AGAP1: variants seen among roughly 807,000 people sequenced by gnomAD.
AGAP1 encodes the protein ArfGAP with GTPase domain, ankyrin repeat and PH domain 1.
A neutral mutation model predicts 105.3 loss-of-function variants in AGAP1; 29 were observed. The ratio of observed to expected loss-of-function variants is 0.28; its 90% CI spans 0.21 to 0.38. AGAP1 has a LOEUF of 0.38. AGAP1 is among the 10% of genes least tolerant of loss of function. The pLI is 1.00. For synonymous variants in AGAP1, 509 were observed against 485.9 expected (o/e 1.05, Z -0.63); for missense variants, 998 against 1,165.1 (o/e 0.86, Z 2.09).
At chr2:235,683,861 C>T (rs565599447) in intron 1 of AGAP1, among the ~76,000 whole-genome samples, 1 of 151,476 alleles carries the variant, frequency 6.6e-6, no homozygotes, top group Non-Finnish European at 1.5e-5. Flanking sequence ...CCCCGTCCCC[C>T]GCCCGGCCCC....
chr2:235,917,044 A>G (rs1242293740), intron 11 of AGAP1, among the ~76,000 whole-genome samples: 2 of 152,294 alleles, frequency 1.3e-5, no homozygotes, highest in African/African-American at 4.8e-5. Context: ...AGGATGACAG[A>G]TACCTTCTTG....
chr2:235,597,525 A>G (rs1945565189), intron 1 of AGAP1, among the ~76,000 whole-genome samples: 1 of 152,204 alleles, frequency 6.6e-6, no homozygotes, highest in African/African-American at 2.4e-5. Context: ...CCAGCTGTAA[A>G]TAACTGTCCA....
intron 4 of AGAP1, among the ~76,000 whole-genome samples, chr2:235,743,314 G>A (rs752140408): frequency 2.6e-5 from 4 of 152,170 alleles, no homozygotes; most frequent in Non-Finnish European, 5.9e-5. Flanking sequence ...CGTTTCCTCC[G>A]GGTGGATGCT....
chr2:235,856,940 G>C (rs2048710248), intron 9 of AGAP1, among the ~76,000 whole-genome samples: 2 of 152,238 alleles, frequency 1.3e-5, no homozygotes, highest in Non-Finnish European at 2.9e-5. Context: ...TGAGACCAGT[G>C]CCTGAAAGAA....
intron 9 of AGAP1, among the ~76,000 whole-genome samples, chr2:235,809,573 G>T (rs573575377): frequency 2.0e-5 from 3 of 152,276 alleles, no homozygotes; most frequent in African/African-American, 7.2e-5. Flanking sequence ...GTTCCACAGA[G>T]AATTTTTAAA....
At chr2:235,694,213 C>G (rs1949884400) in intron 1 of AGAP1, among the ~76,000 whole-genome samples, 1 of 149,716 alleles carries the variant, frequency 6.7e-6, no homozygotes, top group East Asian at 1.9e-4. Context: ...GGCATGGTGG[C>G]TCACACTTGT....
chr2:235,759,054 A>G (rs1954177409), intron 6 of AGAP1, among the ~76,000 whole-genome samples: 1 of 152,132 alleles, frequency 6.6e-6, no homozygotes, highest in Admixed American at 6.6e-5. Flanking sequence ...TCAGCCTCCC[A>G]AAGTGCTGGG....
chr2:235,685,850 T>C (rs1195660555), intron 1 of AGAP1, among the ~76,000 whole-genome samples: 1 of 152,136 alleles, frequency 6.6e-6, no homozygotes, highest in East Asian at 1.9e-4. Context: ...CGAGGTGGCC[T>C]GAGCACAGCT....
At position 235,633,419 on chromosome 2, in the gene AGAP1, C is replaced by T. The variant is rs536091257; in HGVS notation, c.164-75760C>T. Among the ~76,000 whole-genome samples, 22 of 152,186 alleles carry T rather than the reference C, an allele frequency of 1.4e-4. No homozygotes were observed. In the South Asian group the frequency reaches 4.4e-3, roughly 30 times the overall value. ...GACCAGTCTGGTCAACATGGTGAAACCCCATCTCTACTAAAAATACAAAAA... is the reference window on the plus strand; with the variant it reads ...GACCAGTCTGGTCAACATGGTGAAATCCCATCTCTACTAAAAATACAAAAA... On this transcript the variant is annotated intron_variant, in intron 1 of 17. Transcript: ENST00000304032. This position sits in a 1 kb window ranked among gnomAD's most constrained non-coding sequence, Gnocchi z 4.8.
chr2:235,992,118 G>C lies in AGAP1; in HGVS notation c.1645+23495G>C, dbSNP rs534318645. 2.6e-5 allele frequency among the ~76,000 whole-genome samples: 4 copies of C among 152,232 alleles called. No individual in the cohort carries two copies. Among genetic ancestry groups the C allele is most frequent in the Admixed American group, 6.5e-5 (1 of 15,284 alleles). On this transcript the variant is annotated intron_variant, in intron 13 of 17. Coordinates refer to ENST00000304032, the MANE Select transcript of AGAP1 (RefSeq NM_001037131.3). This position sits in a 1 kb window ranked among gnomAD's most constrained non-coding sequence, Gnocchi z 4.8. ...GTGATGGTGGCCATCACGAGACCCA[G>C]ATAACAGGAGTGGTTAGAAGCGCAG...
rs955809118 is a variant in AGAP1, at chr2:235,957,818, C to T, written c.1484-10644C>T. Among the ~76,000 whole-genome samples, 1 of 152,208 alleles carries T rather than the reference C, an allele frequency of 6.6e-6. No homozygotes were observed. Among genetic ancestry groups the T allele is most frequent in the Non-Finnish European group, 1.5e-5 (1 of 68,038 alleles). ...CGTTTTAATTTACGAGTTCCTACAA[C>T]GACTTCATCTTGAGTTCACAGGGGG... On this transcript the variant is annotated intron_variant, in intron 12 of 17. Transcript: ENST00000304032. The surrounding 1 kb of genome is among the most constrained non-coding windows in gnomAD (Gnocchi z 4.6).
rs60117586 is a variant in AGAP1 at position 235,964,821 on chromosome 2, G to A, written c.1484-3641G>A. ...GAAAGTCTGGGAGGAGAAGGACCTC[G>A]TGGAGCTGGCCGCACAGTCTAGGCT... On this transcript the variant is annotated intron_variant, in intron 12 of 17. Transcript: ENST00000304032. The surrounding 1 kb of genome is among the most constrained non-coding windows in gnomAD (Gnocchi z 4.6). Among the ~76,000 whole-genome samples the A allele has an allele frequency of 0.13, 19,661 of 152,148 alleles. 3,333 individuals carry two copies. The highest frequency in any genetic ancestry group is 0.39 in the African/African-American group (16,312 of 41,424).
chr2:235,589,429 A>T (rs1292641918), intron 1 of AGAP1, among the ~76,000 whole-genome samples: 1 of 151,038 alleles, frequency 6.6e-6, no homozygotes, highest in Admixed American at 6.6e-5. Context: ...CTGGTCTCGA[A>T]CTCCTGACCT....
At chr2:235,880,079 T>C (rs7562066) in intron 9 of AGAP1, among the ~76,000 whole-genome samples, 69,262 of 142,326 alleles carry the variant, frequency 0.49, 16,861 homozygotes, top group South Asian at 0.75. Flanking sequence ...CACTGCACTC[T>C]GGCCTTTTTT....
Position 235,620,388 on chromosome 2 carries a change from C to T in AGAP1, c.164-88791C>T, listed in dbSNP as rs1400411954. Among the ~76,000 whole-genome samples the T allele has an allele frequency of 6.6e-6, 1 of 152,206 alleles. No homozygotes were observed. The highest frequency in any genetic ancestry group is 2.4e-5 in the African/African-American group (1 of 41,464). On this transcript the variant is annotated intron_variant, in intron 1 of 17. Coordinates refer to ENST00000304032, the MANE Select transcript of AGAP1 (RefSeq NM_001037131.3). The surrounding 1 kb of genome is among the most constrained non-coding windows in gnomAD (Gnocchi z 4.5). ...AAGCCGGGTCAGAGTGTGATGCCCT[C>T]TGCCAAAACCTCCTCCTGGCCCTCG...
Position 235,494,629 on chromosome 2 carries a change from C to G in AGAP1, c.-58C>G. 3.5e-5 allele frequency: 34 copies of G among 958,748 alleles called. No individual in the cohort carries two copies. Among genetic ancestry groups the G allele is most frequent in the Non-Finnish European group, 4.1e-5 (33 of 810,348 alleles). 59.4% of individuals were successfully genotyped at this position (958,748 alleles called of 1,614,324 possible). The stretch of plus-strand genomic sequence containing the variant: ...CCCCGGGCTCGGCGGCCCGCGGGCC[C>G]CGGGGCGCGGGGCGGCGGCGGCGGG... On this transcript the variant is annotated 5_prime_UTR_variant, in exon 1 of 18. Transcript: ENST00000304032.
intron 16 of AGAP1, among the ~76,000 whole-genome samples, chr2:236,084,240 G>A (rs112982382): frequency 2.0e-5 from 3 of 151,986 alleles, no homozygotes; most frequent in Non-Finnish European, 4.4e-5. Flanking sequence ...GGGTCTCTGC[G>A]GCCACCTTAA....
At chr2:235,838,071 A>G (rs1218898989) in intron 9 of AGAP1, among the ~76,000 whole-genome samples, 1 of 152,202 alleles carries the variant, frequency 6.6e-6, no homozygotes, top group African/African-American at 2.4e-5. Context: ...ATGTAGTCCC[A>G]GCTACTTGGG....
intron 16 of AGAP1, among the ~76,000 whole-genome samples, chr2:236,054,418 G>A (rs1036215876): frequency 1.3e-5 from 2 of 148,798 alleles, no homozygotes; most frequent in African/African-American, 5.0e-5. Flanking sequence ...GCCTGCTGAG[G>A]TCAATGTTTT....
Sources: gnomAD v4.1 joint callset for allele counts (sites outside exome capture counted in the v4.1 genomes callset) on GRCh38, gnomAD v4.1.1 for gene constraint, Gnocchi (gnomAD v3.1) non-coding constraint, MANE v1.5 for transcripts, NCBI Gene and HGNC (gene_info 2026-07-23, HGNC 2026-07-21) for gene names.